Variants in BNIP3 observed in about 807,000 individuals in gnomAD.
BNIP3 encodes BCL2/adenovirus E1B 19 kDa protein-interacting protein 3.
A neutral mutation model predicts 23.9 loss-of-function variants in BNIP3; 16 were observed. That is an observed-to-expected ratio of 0.67 (90% CI 0.45 to 1.01). The LOEUF is 1.01. BNIP3 is among the 50% of genes least tolerant of loss of function. The pLI is 0.00. For synonymous variants in BNIP3, 81 were observed against 89.3 expected, an observed-to-expected ratio of 0.91 and a Z score of 0.53; for missense variants, 198 against 248.7, an observed-to-expected ratio of 0.80 and a Z score of 1.37.
At chr10:131,981,721 C>G (rs770551899) in intron 1 of BNIP3, 40 bp downstream of exon 1, 29 of 1,454,474 alleles carry the variant, frequency 2.0e-5, no homozygotes, top group Middle Eastern at 2.0e-4. Flanking sequence ...GGCTTCCCCC[C>G]CGCGCCCCCT....
intron 5 of BNIP3, chr10:131,968,852 C>G (rs1336133197): frequency 3.3e-6 from 1 of 305,854 alleles, no homozygotes; most frequent in Non-Finnish European, 6.4e-6. Flanking sequence ...CTGCTTTGTT[C>G]CAACTCAGTG....
chr10:131,971,178 G>A (rs3737057), intron 3 of BNIP3: 36 of 573,006 alleles, frequency 6.3e-5, no homozygotes, highest in Non-Finnish European at 9.6e-5. Context: ...CACGCTCGCC[G>A]CCTCCAGGGA....
At chr10:131,977,291 T>A (rs1419860026) in intron 1 of BNIP3, among the ~76,000 whole-genome samples, 3 of 151,544 alleles carry the variant, frequency 2.0e-5, no homozygotes, top group Non-Finnish European at 1.5e-5. Context: ...AAAAAGACAC[T>A]GCTCAGGAAG....
In BNIP3 at chr10:131,981,697, C is replaced by T; in HGVS notation, c.46+64G>A. 4.4e-6 allele frequency: 5 copies of T among 1,143,468 alleles called. No individual in the cohort carries two copies. The South Asian group carries it at 6.1e-5, about 14-fold the overall frequency. 70.8% of individuals were successfully genotyped at this position (1,143,468 alleles called of 1,614,324 possible). ...CCCGGCAACCTCCCCTTGGCGCCCT[C>T]TTGGCCTTCCCCAGGCTTCCCCCCC... On this transcript the variant is annotated intron_variant, in intron 1 of 5. Coordinates refer to ENST00000368636, the MANE Select transcript of BNIP3 (RefSeq NM_004052.4).
At position 131,981,847 on chromosome 10, in the gene BNIP3, G is replaced by A; in HGVS notation, c.-41C>T. ...CTGCGGCGATCGGAGTCCGCGCCGGGCTGCGGGATGTGCTTCAGCTGCGGG... is the reference window on the plus strand; with the variant it reads ...CTGCGGCGATCGGAGTCCGCGCCGGACTGCGGGATGTGCTTCAGCTGCGGG... On this transcript the variant is annotated 5_prime_UTR_variant, in exon 1 of 6. Transcript: ENST00000368636. The A allele has an allele frequency of 3.5e-6, 5 of 1,419,798 alleles. No individual in the cohort carries two copies. Among genetic ancestry groups the A allele is most frequent in the South Asian group, 1.5e-5 (1 of 68,248 alleles). 88.0% of individuals were successfully genotyped at this position (1,419,798 alleles called of 1,614,324 possible).
chr10:131,971,838 G>C (rs1336866452), intron 3 of BNIP3, among the ~76,000 whole-genome samples: 1 of 152,146 alleles, frequency 6.6e-6, no homozygotes, highest in Admixed American at 6.5e-5. Flanking sequence ...CCTCGGAGTG[G>C]GGCCAGGGGA....
At chr10:131,977,275 C>CA (rs903161285) in intron 1 of BNIP3, among the ~76,000 whole-genome samples, 66 of 146,490 alleles carry the variant, frequency 4.5e-4, no homozygotes, top group Admixed American at 1.8e-3. Flanking sequence ...GTGTCTCAAA[C>CA]AAAAAAAAAA....
chr10:131,976,104 G>C lies in BNIP3; in HGVS notation c.47-2161C>G, dbSNP rs1223374802. On this transcript the variant is annotated intron_variant, in intron 1 of 5. Transcript: ENST00000368636. This position sits in a 1 kb window ranked among gnomAD's most constrained non-coding sequence, Gnocchi z 4.3. ...CCATGCGGCCGGCTAGCCATGGCCT[G>C]CCCCTGAGAGAACGGCACCACAGCC... 6.6e-6 allele frequency among the ~76,000 whole-genome samples: 1 copy of C among 152,216 alleles called. No homozygotes were observed. Among genetic ancestry groups the C allele is most frequent in the Non-Finnish European group, 1.5e-5 (1 of 68,042 alleles).
At chr10:131,972,655 C>T (rs1270838509) in intron 3 of BNIP3, among the ~76,000 whole-genome samples, 1 of 152,256 alleles carries the variant, frequency 6.6e-6, no homozygotes, top group Non-Finnish European at 1.5e-5. Context: ...CAACCAGCAA[C>T]CACGAGGAAA....
rs747012641 is a variant in BNIP3 at position 131,970,881 on chromosome 10, C to T, written c.372G>A (p.Pro124=). 45 of 1,614,120 alleles carry T rather than the reference C, an allele frequency of 2.8e-5. No homozygotes were observed. The highest frequency in any genetic ancestry group is 4.5e-5 in the East Asian group (2 of 44,890). The change falls in exon 4 of 6, where the codon CCG becomes CCA. Residue 124 remains proline (P), a synonymous_variant. Transcript: ENST00000368636. This position sits in a 1 kb window ranked among gnomAD's most constrained non-coding sequence, Gnocchi z 4.1. ...ACACTCACTTGGGGGGAATATTTTC[C>T]GGCCGACTTGACCAATCCCATATCC... The part of the protein sequence containing the change: ...SDWIWDWSSR[P]ENIPPKEFLF...
Position 131,970,866 on chromosome 10 carries a change from G to C in BNIP3, c.387C>G (p.Pro129=). 1 of 1,614,176 alleles carries C rather than the reference G, an allele frequency of 6.2e-7. No homozygotes were observed. The highest frequency in any genetic ancestry group is 8.5e-7 in the Non-Finnish European group (1 of 1,179,992). The change falls in exon 4 of 6, where the codon CCC becomes CCG. Residue 129 remains proline (P), a splice_region_variant and synonymous_variant. Transcript: ENST00000368636. This position sits in a 1 kb window ranked among gnomAD's most constrained non-coding sequence, Gnocchi z 4.1. The stretch of plus-strand genomic sequence containing the variant: ...CGTGACACTGAGAACACACTCACTT[G>C]GGGGGAATATTTTCCGGCCGACTTG... The part of the protein sequence containing the change: ...DWSSRPENIP[P]KEFLFKHPKR...
chr10:131,974,693 TC>T (rs1464958972), intron 1 of BNIP3, among the ~76,000 whole-genome samples: 2 of 152,234 alleles, frequency 1.3e-5, no homozygotes, highest in African/African-American at 4.8e-5. Context: ...ATGACTTGCA[TC>T]GTGTGGCTTA....
At chr10:131,973,188 C>G in intron 2 of BNIP3, 70 bp from the exon 3 acceptor site, 1 of 1,529,062 alleles carries the variant, frequency 6.5e-7, no homozygotes, top group Non-Finnish European at 9.0e-7. Context: ...AGCTCAAACC[C>G]CAAAGGCAGT....
chr10:131,973,542 G>A, intron 2 of BNIP3: 1 of 547,920 alleles, frequency 1.8e-6, no homozygotes, highest in Non-Finnish European at 3.2e-6. Context: ...TCAGAGTGGG[G>A]TTTGTGGCTG....
chr10:131,971,367 A>G, intron 3 of BNIP3: 1 of 247,886 alleles, frequency 4.0e-6, no homozygotes, highest in East Asian at 1.1e-4. Flanking sequence ...AAACGGCTCA[A>G]AACAGGGACA....
At chr10:131,973,204 G>T (rs45494294) in intron 2 of BNIP3, 86 bp from the exon 3 acceptor site, 1 of 1,384,032 alleles carries the variant, frequency 7.2e-7, no homozygotes, top group Non-Finnish European at 1.0e-6. Flanking sequence ...GCAGTGAACC[G>T]CCTCCGTGAT....
chr10:131,977,653 C>T (rs1189133038), intron 1 of BNIP3, among the ~76,000 whole-genome samples: 1 of 152,134 alleles, frequency 6.6e-6, no homozygotes, highest in African/African-American at 2.4e-5. Flanking sequence ...GAGAGGAGCC[C>T]CTATGGCCGA....
intron 1 of BNIP3, among the ~76,000 whole-genome samples, chr10:131,979,120 G>A (rs139021438): frequency 6.6e-6 from 1 of 152,270 alleles, no homozygotes; most frequent in Non-Finnish European, 1.5e-5. Context: ...TGGGCTCCAG[G>A]TATCCCACTG....
rs143110981 is a variant in BNIP3, at chr10:131,977,969, C to G, written c.46+3792G>C. 3.7e-3 allele frequency among the ~76,000 whole-genome samples: 563 copies of G among 152,296 alleles called. 2 individuals are homozygous for G. Among genetic ancestry groups the G allele is most frequent in the Middle Eastern group, 0.01 (3 of 294 alleles). ...TCTACTCACGTGTTACAGTTCTCCA[C>G]TCGGATCGTTCACCTTTTCAAAGAA... On this transcript the variant is annotated intron_variant, in intron 1 of 5. Transcript: ENST00000368636.
Sources: gnomAD v4.1 joint callset for allele counts (sites outside exome capture counted in the v4.1 genomes callset) on GRCh38, gnomAD v4.1.1 for gene constraint, Gnocchi (gnomAD v3.1) non-coding constraint, MANE v1.5 for transcripts, NCBI Gene and HGNC (gene_info 2026-07-23, HGNC 2026-07-21) for gene names.